The following SNTG1 variants were observed in gnomAD, a reference collection of about 807,000 sequenced individuals.
SNTG1 encodes syntrophin gamma 1, also known as gamma-1-syntrophin.
Under a neutral mutation model 74.7 loss-of-function variants are expected in SNTG1, and 39 were observed. The ratio of observed to expected loss-of-function variants is 0.52; its 90% CI spans 0.40 to 0.68. The LOEUF is 0.68. Ranked by LOEUF, SNTG1 falls within the 30% of genes least tolerant of loss-of-function variation. The probability of loss-of-function intolerance (pLI) is 0.00; values close to 1 mark genes in which losing one functional copy is unlikely to be tolerated. For synonymous variants in SNTG1, 254 were observed against 217.1 expected (o/e 1.17, Z -1.49); for missense variants, 685 against 609.5 (o/e 1.12, Z -1.30).
intron 18 of SNTG1, among the ~76,000 whole-genome samples, chr8:50,773,596 T>C (rs2095632746): frequency 6.6e-6 from 1 of 151,958 alleles, no homozygotes; most frequent in South Asian, 2.1e-4. Context: ...GTGAAACAGA[T>C]AGGAAAACAT....
chr8:50,234,981 C>A (rs1265849617), intron 2 of SNTG1, among the ~76,000 whole-genome samples: 3 of 152,132 alleles, frequency 2.0e-5, no homozygotes, highest in South Asian at 2.1e-4. Context: ...AGGAAAGATG[C>A]AGGTGCATTT....
chr8:50,174,793 G>A (rs995146351), intron 2 of SNTG1, among the ~76,000 whole-genome samples: 2 of 151,824 alleles, frequency 1.3e-5, no homozygotes, highest in Non-Finnish European at 2.9e-5. Flanking sequence ...CATGTGCCAT[G>A]TTGGTGTGCT....
intron 1 of SNTG1, among the ~76,000 whole-genome samples, chr8:50,112,993 T>G (rs955043019): frequency 1.2e-4 from 18 of 152,312 alleles, no homozygotes; most frequent in Non-Finnish European, 2.5e-4. Flanking sequence ...TTGGTTACTG[T>G]AGCCCTGTAG....
At chr8:50,561,862 G>A (rs530584852) in intron 12 of SNTG1, among the ~76,000 whole-genome samples, 1 of 152,126 alleles carries the variant, frequency 6.6e-6, no homozygotes, top group Non-Finnish European at 1.5e-5. Context: ...TGTCTAGAAT[G>A]TCTCCCCAGC....
intron 1 of SNTG1, among the ~76,000 whole-genome samples, chr8:50,053,750 C>T (rs1339256957): frequency 5.3e-5 from 8 of 151,224 alleles, no homozygotes; most frequent in Non-Finnish European, 1.0e-4. Context: ...TCAATGACTC[C>T]TCTGTCACCT....
intron 13 of SNTG1, among the ~76,000 whole-genome samples, chr8:50,620,320 T>C (rs1047037903): frequency 2.6e-5 from 4 of 152,200 alleles, no homozygotes; most frequent in African/African-American, 9.7e-5. Context: ...CTCTGATGGA[T>C]TCTTCTGCTT....
intron 11 of SNTG1, among the ~76,000 whole-genome samples, chr8:50,539,212 G>C (rs559789397): frequency 7.2e-4 from 110 of 152,154 alleles, no homozygotes; most frequent in South Asian, 1.2e-3. Context: ...CCTGGATATT[G>C]ATATGACAAG....
intron 1 of SNTG1, among the ~76,000 whole-genome samples, chr8:50,021,075 C>T (rs1423121041): frequency 1.3e-5 from 2 of 152,086 alleles, no homozygotes; most frequent in African/African-American, 4.8e-5. Context: ...GCATTTGAAC[C>T]ACAGTTCCAG....
chr8:50,012,774 G>A (rs1438644979), intron 1 of SNTG1, among the ~76,000 whole-genome samples: 2 of 152,086 alleles, frequency 1.3e-5, no homozygotes, highest in Non-Finnish European at 2.9e-5. Flanking sequence ...TGAAGGAATG[G>A]GTGAGGCAAA....
At chr8:50,052,031 C>CT (rs1273663551) in intron 1 of SNTG1, among the ~76,000 whole-genome samples, 1 of 151,964 alleles carries the variant, frequency 6.6e-6, no homozygotes, top group African/African-American at 2.4e-5. Context: ...AAAATTTCAG[C>CT]TTTTTTGCAG....
At chr8:50,576,370 G>C (rs1029937194) in intron 12 of SNTG1, among the ~76,000 whole-genome samples, 3 of 152,106 alleles carry the variant, frequency 2.0e-5, no homozygotes, top group Admixed American at 2.0e-4. Flanking sequence ...ATAGTTTACT[G>C]TAGTAGGAAG....
intron 2 of SNTG1, among the ~76,000 whole-genome samples, chr8:50,385,165 G>A (rs916620873): frequency 3.9e-5 from 6 of 152,148 alleles, no homozygotes; most frequent in African/African-American, 9.7e-5. Context: ...GTTCCAAGTG[G>A]TAGAGCGGCT....
At chr8:50,544,806 T>C (rs1278411049) in intron 11 of SNTG1, among the ~76,000 whole-genome samples, 4 of 152,078 alleles carry the variant, frequency 2.6e-5, no homozygotes, top group African/African-American at 4.8e-5. Flanking sequence ...TTAATATCTG[T>C]AAGTGGGAGA....
chr8:50,143,210 T>C (rs1429095314), intron 1 of SNTG1, among the ~76,000 whole-genome samples: 3 of 152,192 alleles, frequency 2.0e-5, no homozygotes, highest in Non-Finnish European at 4.4e-5. Context: ...AATGTTCTAG[T>C]GGGACATTTG....
chr8:50,377,460 CTCATT>C (rs1366875186), intron 2 of SNTG1, among the ~76,000 whole-genome samples: 1 of 151,978 alleles, frequency 6.6e-6, no homozygotes, highest in Non-Finnish European at 1.5e-5. Context: ...CTTAAAACAT[CTCATT>C]TGTTTTTTTT....
chr8:50,640,992 C>A (rs2095069110), intron 13 of SNTG1, among the ~76,000 whole-genome samples: 1 of 152,134 alleles, frequency 6.6e-6, no homozygotes, highest in Non-Finnish European at 1.5e-5. Flanking sequence ...CAAGTATTAT[C>A]ATTCCCCAGC....
intron 2 of SNTG1, among the ~76,000 whole-genome samples, chr8:50,278,112 G>T (rs1021213992): frequency 2.6e-5 from 4 of 152,040 alleles, no homozygotes; most frequent in African/African-American, 9.7e-5. Context: ...GGCAGAGGTT[G>T]CAATGAGCCA....
intron 12 of SNTG1, among the ~76,000 whole-genome samples, chr8:50,581,756 C>A (rs1268996737): frequency 5.9e-5 from 9 of 152,130 alleles, no homozygotes; most frequent in Admixed American, 5.9e-4. Flanking sequence ...TGCTTAGAAA[C>A]AAAGTTCTTT....
intron 2 of SNTG1, among the ~76,000 whole-genome samples, chr8:50,314,981 T>C (rs975760133): frequency 1.3e-5 from 2 of 149,766 alleles, no homozygotes; most frequent in Non-Finnish European, 2.9e-5. Flanking sequence ...TATAGTGTTT[T>C]GATAGATTGA....
Sources: gnomAD v4.1 joint callset for allele counts (sites outside exome capture counted in the v4.1 genomes callset) on GRCh38, gnomAD v4.1.1 for gene constraint, MANE v1.5 for transcripts, NCBI Gene and HGNC (gene_info 2026-07-23, HGNC 2026-07-21) for gene names.